The following FHIT variants were observed in gnomAD, a reference collection of about 807,000 sequenced individuals.
The protein encoded by FHIT is bis(5'-adenosyl)-triphosphatase.
Under a neutral mutation model 17.9 loss-of-function variants are expected in FHIT, and 19 were observed. The ratio of observed to expected loss-of-function variants is 1.06; its 90% confidence interval spans 0.74 to 1.56. FHIT has a LOEUF of 1.56. Ranked by LOEUF, FHIT falls within the 40% of genes most tolerant of loss-of-function variation. The probability of loss-of-function intolerance (pLI) is 0.00; values close to 1 mark genes in which losing one functional copy is unlikely to be tolerated. For synonymous variants in FHIT, 81 were observed against 69.7 expected (o/e 1.16, Z -0.81); for missense variants, 248 against 189.2 (o/e 1.31, Z -1.82).
At chr3:60,627,839 C>T (rs374163253) in intron 4 of FHIT, among the ~76,000 whole-genome samples, 2 of 152,266 alleles carry the variant, frequency 1.3e-5, no homozygotes, top group East Asian at 3.9e-4. Flanking sequence ...ACTTTTTATT[C>T]CTGATTTTAA....
At chr3:59,801,505 G>C (rs189216923) in intron 8 of FHIT, among the ~76,000 whole-genome samples, 4 of 152,146 alleles carry the variant, frequency 2.6e-5, no homozygotes, top group Admixed American at 2.6e-4. Context: ...TGAATGTTTA[G>C]TTTCCCTATA....
chr3:60,485,855 G>T (rs2033815286), intron 5 of FHIT, among the ~76,000 whole-genome samples: 1 of 152,034 alleles, frequency 6.6e-6, no homozygotes, highest in African/African-American at 2.4e-5. Flanking sequence ...AGGACCCACG[G>T]ATTGTTCATC....
intron 2 of FHIT, among the ~76,000 whole-genome samples, chr3:61,108,931 C>T (rs148513012): frequency 6.6e-6 from 1 of 152,160 alleles, no homozygotes; most frequent in South Asian, 2.1e-4. Context: ...TCTGGGCAAG[C>T]AACTTTAGTG....
At chr3:59,882,549 A>G (rs766654537) in intron 8 of FHIT, among the ~76,000 whole-genome samples, 20 of 152,174 alleles carry the variant, frequency 1.3e-4, no homozygotes, top group Non-Finnish European at 2.4e-4. Flanking sequence ...CATTATCTCA[A>G]TCAAAGAGAT....
intron 5 of FHIT, among the ~76,000 whole-genome samples, chr3:60,500,798 T>G (rs1354086933): frequency 1.0e-5 from 1 of 99,076 alleles, no homozygotes. Context: ...AAAAAAAAAA[T>G]TGTATTGGTG....
chr3:60,869,021 C>T (rs1463035902), intron 3 of FHIT, among the ~76,000 whole-genome samples: 1 of 152,040 alleles, frequency 6.6e-6, no homozygotes, highest in Non-Finnish European at 1.5e-5. Flanking sequence ...GAAGGGATTT[C>T]CCAGCTTAAC....
chr3:60,527,366 G>A (rs2035614379), intron 5 of FHIT, among the ~76,000 whole-genome samples: 1 of 152,096 alleles, frequency 6.6e-6, no homozygotes, highest in African/African-American at 2.4e-5. Context: ...AGGGTATCAT[G>A]GCTAACTTTT....
intron 5 of FHIT, among the ~76,000 whole-genome samples, chr3:60,037,382 A>G (rs1701260663): frequency 1.4e-5 from 2 of 142,974 alleles, no homozygotes; most frequent in South Asian, 4.5e-4. Flanking sequence ...ACTTAAAACC[A>G]AGTCTTTCTT....
chr3:60,886,171 C>G (rs1705214092), intron 3 of FHIT, among the ~76,000 whole-genome samples: 1 of 152,242 alleles, frequency 6.6e-6, no homozygotes, highest in South Asian at 2.1e-4. Context: ...GTTTATTTGA[C>G]AAATTTGATT....
At chr3:60,964,050 T>C (rs935385529) in intron 3 of FHIT, among the ~76,000 whole-genome samples, 11 of 152,184 alleles carry the variant, frequency 7.2e-5, no homozygotes, top group Non-Finnish European at 1.5e-4. Flanking sequence ...CTCCCATTAT[T>C]ATCGTGTGGG....
intron 5 of FHIT, among the ~76,000 whole-genome samples, chr3:60,343,869 T>G (rs1420344376): frequency 3.9e-5 from 6 of 152,196 alleles, no homozygotes; most frequent in African/African-American, 1.4e-4. Context: ...ACTACTAGAA[T>G]TCCATGAAGC....
At chr3:60,609,970 T>G (rs2038735602) in intron 4 of FHIT, among the ~76,000 whole-genome samples, 1 of 152,254 alleles carries the variant, frequency 6.6e-6, no homozygotes, top group South Asian at 2.1e-4. Context: ...TGCTATAATC[T>G]GATCTGTCTC....
At chr3:61,076,768 T>A (rs776989936) in intron 2 of FHIT, among the ~76,000 whole-genome samples, 1 of 151,984 alleles carries the variant, frequency 6.6e-6, no homozygotes, top group Admixed American at 6.6e-5. Context: ...TGTTAAGAGG[T>A]AGAGGAATGG....
At chr3:61,213,659 A>G (rs546736900) in intron 1 of FHIT, among the ~76,000 whole-genome samples, 3 of 152,362 alleles carry the variant, frequency 2.0e-5, no homozygotes, top group East Asian at 3.9e-4. Flanking sequence ...AGCAGACCTA[A>G]TAGACATCTA....
At chr3:60,156,710 C>A (rs2107349624) in intron 5 of FHIT, among the ~76,000 whole-genome samples, 1 of 152,216 alleles carries the variant, frequency 6.6e-6, no homozygotes, top group Admixed American at 6.5e-5. Flanking sequence ...CATGATTGCA[C>A]CACTGACTTT....
At chr3:60,167,095 T>C (rs1701209392) in intron 5 of FHIT, among the ~76,000 whole-genome samples, 1 of 152,200 alleles carries the variant, frequency 6.6e-6, no homozygotes, top group African/African-American at 2.4e-5. Context: ...TCATCAGATT[T>C]CTGCTCAAAG....
At chr3:60,951,827 T>C (rs1362467946) in intron 3 of FHIT, among the ~76,000 whole-genome samples, 1 of 152,160 alleles carries the variant, frequency 6.6e-6, no homozygotes, top group Non-Finnish European at 1.5e-5. Flanking sequence ...GCAGGATTGT[T>C]TTCCCTAAAT....
chr3:60,860,877 G>GA lies in FHIT; in HGVS notation c.-110-38867_-110-38866insT, dbSNP rs1553751992. On this transcript the variant is annotated intron_variant, in intron 3 of 9. Coordinates refer to ENST00000492590, the MANE Select transcript of FHIT (RefSeq NM_002012.4). The stretch of plus-strand genomic sequence containing the variant: ...ATGAACATATGTACATATATATCAT[G>GA]TATATATGAACATATATACGTATAT... Among the ~76,000 whole-genome samples the GA allele has an allele frequency of 6.3e-4, 54 of 86,312 alleles. 8 individuals carry two copies. The highest frequency in any genetic ancestry group is 1.9e-3 in the African/African-American group (42 of 22,692). The allele number at this position is 86,312 out of a possible 152,430, so 56.6% of individuals were successfully genotyped here. A position where few individuals can be genotyped will look rare whatever the true frequency, so the allele number is the denominator to read the frequency against.
At chr3:60,088,795 A>G (rs1026786363) in intron 5 of FHIT, among the ~76,000 whole-genome samples, 5 of 152,188 alleles carry the variant, frequency 3.3e-5, no homozygotes, top group African/African-American at 7.2e-5. Context: ...TTAATTGGAT[A>G]AGAAACTTGG....
Sources: allele counts gnomAD v4.1 joint callset (sites outside exome capture counted in the v4.1 genomes callset), GRCh38; gene constraint gnomAD v4.1.1; transcripts MANE v1.5; gene names NCBI Gene and HGNC (gene_info 2026-07-23, HGNC 2026-07-21).